SYMPK: variants seen among roughly 807,000 people sequenced by gnomAD.
SYMPK encodes symplekin.
SYMPK carries 49 observed loss-of-function variants against 136.4 expected under a neutral mutation model. The observed-to-expected ratio is 0.36, with a 90% CI of 0.29 to 0.46. The LOEUF is 0.46. Among genes scored for constraint, SYMPK ranks in the 20% least tolerant of loss-of-function variants. The pLI, the probability that SYMPK is intolerant of heterozygous loss-of-function variation, is 1.00. For synonymous variants in SYMPK, 766 were observed against 713.0 expected, an observed-to-expected ratio of 1.07 and a Z score of -1.19; for missense variants, 1,365 against 1,690.0, an observed-to-expected ratio of 0.81 and a Z score of 3.37.
rs750649242 is a variant in SYMPK at position 45,852,338 on chromosome 19, A to G, written c.273T>C (p.Phe91=). Residue 91 remains phenylalanine (F), a synonymous_variant, in exon 5 of 27, where the codon TTT becomes TTC. Coordinates refer to ENST00000245934, the MANE Select transcript of SYMPK (RefSeq NM_004819.3). ...ATGCCTCCTCGATGAAGCCGATGACAAATTTTCGCACTTCGATTGACTTGT... is the reference window on the plus strand; with the variant it reads ...ATGCCTCCTCGATGAAGCCGATGACGAATTTTCGCACTTCGATTGACTTGT... The part of the protein sequence containing the change: ...QADKSIEVRK[F]VIGFIEEACK... 30 of 1,614,200 alleles carry G rather than the reference A, an allele frequency of 1.9e-5. No homozygotes were observed. The highest frequency in any genetic ancestry group is 2.5e-5 in the Non-Finnish European group (30 of 1,180,040).
intron 7 of SYMPK, among the ~76,000 whole-genome samples, chr19:45,845,703 C>T (rs375892763): frequency 2.6e-5 from 4 of 152,122 alleles, no homozygotes; most frequent in East Asian, 1.9e-4. Context: ...TCCTTTATTT[C>T]GGTTACATAT....
intron 5 of SYMPK, 55 bp from the exon 6 acceptor site, chr19:45,848,931 G>T: frequency 1.2e-6 from 2 of 1,606,220 alleles, no homozygotes; most frequent in South Asian, 2.2e-5. Flanking sequence ...GAGCAAGTAG[G>T]AGGAGCCTGA....
chr19:45,844,836 T>C (rs1043742328), intron 7 of SYMPK, among the ~76,000 whole-genome samples: 3 of 152,320 alleles, frequency 2.0e-5, no homozygotes, highest in African/African-American at 7.2e-5. Flanking sequence ...GTGGATATCT[T>C]TCCAGACCTT....
chr19:45,815,673 A>G lies in SYMPK; in HGVS notation c.3712T>C (p.Leu1238=). 2 of 1,609,852 alleles carry G rather than the reference A, an allele frequency of 1.2e-6. No individual in the cohort carries two copies. Among genetic ancestry groups the G allele is most frequent in the South Asian group, 1.1e-5 (1 of 90,580 alleles). The change falls in exon 27 of 27, where the codon TTG becomes CTG. Residue 1238 remains leucine (L), a synonymous_variant. Coordinates refer to ENST00000245934, the MANE Select transcript of SYMPK (RefSeq NM_004819.3). The part of the protein sequence containing the change: ...PKETAAGGLT[L]KEERSPQTLA... Reference sequence around the variant, plus strand: ...GTCTGGGGGCTCCGCTCCTCCTTCAAGGTCAGCCCGCCCGCTGCCGTCTCC... The same window carrying G: ...GTCTGGGGGCTCCGCTCCTCCTTCAGGGTCAGCCCGCCCGCTGCCGTCTCC...
In SYMPK at chr19:45,842,359, C is replaced by T. The variant is rs554542146; in HGVS notation, c.978G>A (p.Val326=). Residue 326 remains valine (V), a synonymous_variant, in exon 9 of 27, where the codon GTG becomes GTA. Coordinates refer to ENST00000245934, the MANE Select transcript of SYMPK (RefSeq NM_004819.3). The part of the protein sequence containing the change: ...EFQAQITTLL[V]DLGTPQAEIA... The stretch of plus-strand genomic sequence containing the variant: ...TCTCGGCCTGAGGTGTGCCCAGGTC[C>T]ACCAGCAGGGTGGTGATCTGGGCCT... The T allele has an allele frequency of 1.2e-6, 2 of 1,614,216 alleles. No homozygotes were observed. Among genetic ancestry groups the T allele is most frequent in the Admixed American group, 3.3e-5 (2 of 60,026 alleles).
chr19:45,853,347 C>T (rs1971739831), intron 3 of SYMPK, among the ~76,000 whole-genome samples: 1 of 152,168 alleles, frequency 6.6e-6, no homozygotes, highest in Non-Finnish European at 1.5e-5. Flanking sequence ...GACATGCTCT[C>T]CCTCTCTTGG....
intron 21 of SYMPK, among the ~76,000 whole-genome samples, chr19:45,822,100 T>C (rs1185733350): frequency 2.0e-5 from 3 of 147,950 alleles, no homozygotes; most frequent in Non-Finnish European, 4.4e-5. Context: ...TTTTTCTAAG[T>C]TGAAAGTTTT....
intron 24 of SYMPK, 33 bp from the exon 25 acceptor site, chr19:45,816,610 C>A: frequency 6.2e-7 from 1 of 1,612,136 alleles, no homozygotes; most frequent in South Asian, 1.1e-5. Flanking sequence ...GCGCTGGGGG[C>A]AGCTCTGGCA....
In SYMPK at chr19:45,821,231, G is replaced by A. The variant is rs1970883253; in HGVS notation, c.2893+153C>T. 3 of 706,526 alleles carry A rather than the reference G, an allele frequency of 4.2e-6. No individual in the cohort carries two copies. Among genetic ancestry groups the A allele is most frequent in the South Asian group, 3.0e-5 (2 of 67,394 alleles). 43.8% of individuals were successfully genotyped at this position (706,526 alleles called of 1,614,324 possible). A position where few individuals can be genotyped will look rare whatever the true frequency, so the allele number is the denominator to read the frequency against. On this transcript the variant is annotated intron_variant, in intron 22 of 26. Coordinates refer to ENST00000245934, the MANE Select transcript of SYMPK (RefSeq NM_004819.3). This position sits in a 1 kb window ranked among gnomAD's most constrained non-coding sequence, Gnocchi z 4.4. Reference sequence around the variant, plus strand: ...GAGGGAAGAGGAGGCAAGAAAAGGAGGGAGGGAGGGAGGTGGCTCTCCAGA... The same window carrying A: ...GAGGGAAGAGGAGGCAAGAAAAGGAAGGAGGGAGGGAGGTGGCTCTCCAGA...
intron 23 of SYMPK, among the ~76,000 whole-genome samples, chr19:45,817,422 T>C (rs1248009298): frequency 6.1e-3 from 53 of 8,694 alleles, no homozygotes; most frequent in Middle Eastern, 0.056. Flanking sequence ...GTTCTCTTTT[T>C]TTTTTTTTTT....
intron 9 of SYMPK, among the ~76,000 whole-genome samples, chr19:45,839,526 A>G (rs375005354): frequency 6.6e-6 from 1 of 152,208 alleles, no homozygotes; most frequent in African/African-American, 2.4e-5. Context: ...TAATAGACTC[A>G]GGCAACAATC....
chr19:45,849,516 T>C (rs1971647739), intron 5 of SYMPK, among the ~76,000 whole-genome samples: 1 of 152,122 alleles, frequency 6.6e-6, no homozygotes, highest in Non-Finnish European at 1.5e-5. Context: ...CAATCTGAAA[T>C]ATTAATTAAA....
At position 45,854,174 on chromosome 19, in the gene SYMPK, C is replaced by A; in HGVS notation, c.171+1G>T. On this transcript the variant is annotated splice_donor_variant, in intron 3 of 26. Coordinates refer to ENST00000245934, the MANE Select transcript of SYMPK (RefSeq NM_004819.3). LOFTEE classifies it high-confidence loss of function. ...GCCCAGGATGCCCCCCGGGCCCTCA[C>A]CTGTTTGAGCACTGTGATCTTTGAG... The A allele has an allele frequency of 6.2e-7, 1 of 1,614,158 alleles. No homozygotes were observed. The highest frequency in any genetic ancestry group is 8.5e-7 in the Non-Finnish European group (1 of 1,180,028).
intron 3 of SYMPK, 81 bp downstream of exon 3, chr19:45,854,094 G>C (rs1223366993): frequency 1.5e-6 from 2 of 1,304,676 alleles, no homozygotes; most frequent in Non-Finnish European, 2.2e-6. Context: ...GTGGACACTG[G>C]TGTTACTGCA....
intron 3 of SYMPK, among the ~76,000 whole-genome samples, chr19:45,853,833 G>A (rs1392241979): frequency 6.6e-6 from 1 of 152,134 alleles, no homozygotes; most frequent in Non-Finnish European, 1.5e-5. Flanking sequence ...CTGCCCCACT[G>A]GACTGGACAC....
chr19:45,833,447 A>G (rs1005017133), intron 11 of SYMPK, among the ~76,000 whole-genome samples: 1 of 151,900 alleles, frequency 6.6e-6, no homozygotes, highest in Non-Finnish European at 1.5e-5. Flanking sequence ...TAAAAATACA[A>G]TAAAATTAGC....
At chr19:45,831,671 T>A in intron 11 of SYMPK, 83 bp from the exon 12 acceptor site, 2 of 1,192,602 alleles carry the variant, frequency 1.7e-6, no homozygotes, top group Non-Finnish European at 2.3e-6. Context: ...CCTGGCTCTG[T>A]TCTGAGCCCT....
chr19:45,834,437 C>G (rs971698790), intron 11 of SYMPK, among the ~76,000 whole-genome samples: 1 of 139,968 alleles, frequency 7.1e-6, no homozygotes, highest in African/African-American at 2.7e-5. Flanking sequence ...CCAGCCTGGG[C>G]AACAGAGCGA....
chr19:45,851,485 C>A (rs1971695019), intron 5 of SYMPK, among the ~76,000 whole-genome samples: 1 of 150,518 alleles, frequency 6.6e-6, no homozygotes, highest in Non-Finnish European at 1.5e-5. Context: ...GGCTGAGGCA[C>A]AAGAATCTCT....
Sources: gnomAD v4.1 joint callset for allele counts (sites outside exome capture counted in the v4.1 genomes callset) on GRCh38, gnomAD v4.1.1 for gene constraint, Gnocchi (gnomAD v3.1) non-coding constraint, MANE v1.5 for transcripts, NCBI Gene and HGNC (gene_info 2026-07-23, HGNC 2026-07-21) for gene names.